The following UGT1A4 variants were observed in gnomAD, a reference collection of about 807,000 sequenced individuals.
UGT1A4 encodes the protein UDP-glucuronosyltransferase 1A4.
A neutral mutation model predicts 41.1 loss-of-function variants in UGT1A4; 32 were observed. The ratio of observed to expected loss-of-function variants is 0.78; its 90% CI spans 0.59 to 1.05. The LOEUF (loss-of-function observed/expected upper bound fraction) is 1.05. UGT1A4 is among the 50% of genes least tolerant of loss of function. The pLI is 0.00. For synonymous variants in UGT1A4, 283 were observed against 265.1 expected (o/e 1.07, Z -0.66); for missense variants, 748 against 677.4 (o/e 1.10, Z -1.16).
rs779826535 is a variant in UGT1A4 at position 233,768,441 on chromosome 2, TAAGA to T, written c.1307+8_1307+11del. ...AAAAGCAGTCATCAATGACAAAAGGTAAGAAAGAAGATACAGAAGAATACTTTGG... is the reference window on the plus strand; with the variant it reads ...AAAAGCAGTCATCAATGACAAAAGGTAAGAAGATACAGAAGAATACTTTGG... On this transcript the variant is annotated splice_donor_5th_base_variant and intron_variant, in intron 4 of 4. Coordinates refer to ENST00000373409, the MANE Select transcript of UGT1A4 (RefSeq NM_007120.3). 2 of 1,613,308 alleles carry T rather than the reference TAAGA, an allele frequency of 1.2e-6. No individual in the cohort carries two copies. Among genetic ancestry groups the T allele is most frequent in the Non-Finnish European group, 1.7e-6 (2 of 1,179,602 alleles).
At position 233,759,527 on chromosome 2, in the gene UGT1A4, C is replaced by T. The variant is rs146278701; in HGVS notation, c.868-7507C>T. Among the ~76,000 whole-genome samples the T allele has an allele frequency of 6.8e-3, 1,028 of 152,228 alleles. 8 individuals are homozygous for T. Among genetic ancestry groups the T allele is most frequent in the Non-Finnish European group, 8.6e-3 (582 of 68,014 alleles). On this transcript the variant is annotated intron_variant, in intron 1 of 4. Coordinates refer to ENST00000373409, the MANE Select transcript of UGT1A4 (RefSeq NM_007120.3). Reference sequence around the variant, plus strand: ...AATAAAGGCCTGTCCTTGGGGAAGACTTCTGTTCACATGCGCTCCAGTGAA... The same window carrying T: ...AATAAAGGCCTGTCCTTGGGGAAGATTTCTGTTCACATGCGCTCCAGTGAA...
chr2:233,765,956 G>A (rs1699007626), intron 1 of UGT1A4, among the ~76,000 whole-genome samples: 1 of 152,142 alleles, frequency 6.6e-6, no homozygotes, highest in African/African-American at 2.4e-5. Flanking sequence ...CTCACCGGCA[G>A]TGTCTAGAGG....
intron 1 of UGT1A4, chr2:233,761,197 G>T (rs369591851): frequency 8.1e-6 from 13 of 1,614,114 alleles, no homozygotes; most frequent in Non-Finnish European, 1.1e-5. Flanking sequence ...TCTTTCAGAT[G>T]TATTACTTTG....
intron 1 of UGT1A4, among the ~76,000 whole-genome samples, chr2:233,749,628 C>A (rs1475485120): frequency 6.6e-6 from 1 of 151,798 alleles, no homozygotes; most frequent in Non-Finnish European, 1.5e-5. Context: ...GGCTCTGTAT[C>A]CCCCACCAAA....
At chr2:233,747,330 C>T (rs896598113) in intron 1 of UGT1A4, 17 of 1,603,408 alleles carry the variant, frequency 1.1e-5, no homozygotes, top group Non-Finnish European at 1.2e-5. Flanking sequence ...TTGATGGCAG[C>T]CACTGGCTCG....
rs1374250230 is a variant in UGT1A4, at chr2:233,725,069, C to T, written c.867+5382C>T. 4.1e-5 allele frequency among the ~76,000 whole-genome samples: 6 copies of T among 146,562 alleles called. 2 individuals carry two copies. Among genetic ancestry groups the T allele is most frequent in the Admixed American group, 2.7e-4 (4 of 14,618 alleles). ...AGGCGTGGCGGCGCGCGCCTGCAAT[C>T]GCAGGCACTCGGCAGGCTGAGGCAG... On this transcript the variant is annotated intron_variant, in intron 1 of 4. Transcript: ENST00000373409.
chr2:233,768,308 G>A lies in UGT1A4; in HGVS notation c.1176G>A (p.Met392Ile), dbSNP rs751355128. 5 of 1,614,188 alleles carry A rather than the reference G, an allele frequency of 3.1e-6. No homozygotes were observed. The highest frequency in any genetic ancestry group is 3.4e-6 in the Non-Finnish European group (4 of 1,180,050). Residue 392 changes from methionine to isoleucine, a missense_variant, in exon 4 of 5, where the codon ATG (methionine) becomes ATA (isoleucine). By Grantham distance (10) the Met-to-Ile change is conservative. Transcript: ENST00000373409. The stretch of plus-strand genomic sequence containing the variant: ...GCAATGGCGTTCCCATGGTGATGAT[G>A]CCCTTGTTTGGTGATCAGATGGACA... ...SICNGVPMVM[M>I]PLFGDQMDNA...
intron 1 of UGT1A4, among the ~76,000 whole-genome samples, chr2:233,724,217 A>G (rs1313805950): frequency 3.1e-4 from 30 of 97,836 alleles, no homozygotes; most frequent in Admixed American, 7.0e-4. Context: ...GGGGCTCCTC[A>G]CTTCCCAGTA....
chr2:233,719,117 G>A lies in UGT1A4; in HGVS notation c.297G>A (p.Gly99=), dbSNP rs761490999. The change falls in exon 1 of 5, where the codon GGG becomes GGA. Residue 99 remains glycine (G), a synonymous_variant. Coordinates refer to ENST00000373409, the MANE Select transcript of UGT1A4 (RefSeq NM_007120.3). ...FDRVTLGYTQ[G]FFETEHLLKR... is the part of the protein sequence containing the mutation. Reference sequence around the variant, plus strand: ...GCGTTACGCTGGGCTACACTCAAGGGTTCTTTGAAACAGAACATCTTCTGA... The same window carrying A: ...GCGTTACGCTGGGCTACACTCAAGGATTCTTTGAAACAGAACATCTTCTGA... 5 of 1,614,258 alleles carry A rather than the reference G, an allele frequency of 3.1e-6. No individual in the cohort carries two copies. The highest frequency in any genetic ancestry group is 3.3e-5 in the Admixed American group (2 of 60,030).
chr2:233,749,248 ATTT>A (rs1216234192), intron 1 of UGT1A4, among the ~76,000 whole-genome samples: 1 of 151,808 alleles, frequency 6.6e-6, no homozygotes, highest in Non-Finnish European at 1.5e-5. Context: ...AAACCACATG[ATTT>A]TTTTATTGGT....
At chr2:233,764,822 A>G (rs963945721) in intron 1 of UGT1A4, among the ~76,000 whole-genome samples, 3 of 152,082 alleles carry the variant, frequency 2.0e-5, no homozygotes, top group Non-Finnish European at 4.4e-5. Flanking sequence ...AAAATGCAGC[A>G]TGGTGGTGGG....
intron 1 of UGT1A4, among the ~76,000 whole-genome samples, chr2:233,734,657 A>G (rs1389558129): frequency 6.6e-6 from 1 of 152,186 alleles, no homozygotes; most frequent in African/African-American, 2.4e-5. Context: ...ATTTAATGCT[A>G]TAAATTTCCC....
chr2:233,743,667 C>G (rs201017854), intron 1 of UGT1A4: 4 of 1,367,108 alleles, frequency 2.9e-6, no homozygotes, highest in African/African-American at 1.5e-5. Context: ...AAGGGGTCCT[C>G]GAAGGGCCTG....
rs144217005 is a variant in UGT1A4 at position 233,760,613 on chromosome 2, T to C, written c.868-6421T>C. The C allele has an allele frequency of 1.5e-4, 247 of 1,614,256 alleles. No individual in the cohort carries two copies. In the African/African-American group the frequency reaches 3.0e-3, roughly 20 times the overall value. On this transcript the variant is annotated intron_variant, in intron 1 of 4. Transcript: ENST00000373409. The stretch of plus-strand genomic sequence containing the variant: ...GAGAATGATTCTTTCCTGCAGCGTG[T>C]GATCAAAACATACAAGAAAATAAAA...
chr2:233,772,177 GTCT>G, intron 4 of UGT1A4, 82 bp from the exon 5 acceptor site: 1 of 1,583,018 alleles, frequency 6.3e-7, no homozygotes. Flanking sequence ...AAATCTGGTA[GTCT>G]TCTTAAGCAG....
intron 1 of UGT1A4, 34 bp from the exon 2 acceptor site, chr2:233,767,000 A>G: frequency 6.2e-7 from 1 of 1,613,736 alleles, no homozygotes; most frequent in South Asian, 1.1e-5. Context: ...GAATATGAGA[A>G]AAAATTAACT....
intron 1 of UGT1A4, among the ~76,000 whole-genome samples, chr2:233,746,975 C>T (rs1401004389): frequency 1.3e-5 from 2 of 151,722 alleles, no homozygotes; most frequent in Non-Finnish European, 2.9e-5. Context: ...TTCCCCAGAG[C>T]GAGCGCAGGG....
intron 1 of UGT1A4, among the ~76,000 whole-genome samples, chr2:233,721,034 G>C (rs539792830): frequency 4.0e-4 from 61 of 152,224 alleles, no homozygotes; most frequent in Non-Finnish European, 6.9e-4. Flanking sequence ...TCTTGTGAGA[G>C]AATTGAGCCC....
chr2:233,729,479 A>G, intron 1 of UGT1A4: 2 of 1,614,240 alleles, frequency 1.2e-6, no homozygotes, highest in Non-Finnish European at 1.7e-6. Context: ...GCAATGTTGA[A>G]CAATATGTCT....
Sources: allele counts gnomAD v4.1 joint callset (sites outside exome capture counted in the v4.1 genomes callset), GRCh38; gene constraint gnomAD v4.1.1; transcripts MANE v1.5; gene names NCBI Gene and HGNC (gene_info 2026-07-23, HGNC 2026-07-21).